Variants in WDR70 observed in about 807,000 individuals in gnomAD.
WDR70 encodes the protein WD repeat-containing protein 70.
WDR70 carries 53 observed loss-of-function variants against 88.6 expected under a neutral mutation model. The ratio of observed to expected loss-of-function variants is 0.60; its 90% CI spans 0.48 to 0.75. The LOEUF (loss-of-function observed/expected upper bound fraction) is 0.75. WDR70 is among the 30% of genes least tolerant of loss of function. The probability of loss-of-function intolerance (pLI) is 0.00; values close to 1 mark genes in which losing one functional copy is unlikely to be tolerated. For synonymous variants in WDR70, 280 were observed against 270.0 expected (o/e 1.04, Z -0.36); for missense variants, 610 against 823.2 (o/e 0.74, Z 3.17).
intron 5 of WDR70, among the ~76,000 whole-genome samples, chr5:37,432,099 T>C (rs1185670539): frequency 6.6e-6 from 1 of 152,208 alleles, no homozygotes; most frequent in Non-Finnish European, 1.5e-5. Flanking sequence ...CATACAGTAA[T>C]TATATTTTTA....
intron 10 of WDR70, among the ~76,000 whole-genome samples, chr5:37,646,797 A>G (rs1475136624): frequency 1.3e-5 from 2 of 151,868 alleles, no homozygotes; most frequent in Non-Finnish European, 2.9e-5. Context: ...TCCTCTCTTT[A>G]TCCGTGACCT....
At chr5:37,487,265 G>T (rs1007939926) in intron 8 of WDR70, among the ~76,000 whole-genome samples, 2 of 151,974 alleles carry the variant, frequency 1.3e-5, no homozygotes, top group Non-Finnish European at 2.9e-5. Flanking sequence ...TCTAGGAAAT[G>T]TTACTGATAT....
intron 7 of WDR70, among the ~76,000 whole-genome samples, chr5:37,470,222 A>C (rs1739287411): frequency 6.6e-6 from 1 of 152,162 alleles, no homozygotes; most frequent in South Asian, 2.1e-4. Flanking sequence ...GTTTATTCTG[A>C]GAATTTTCTA....
At chr5:37,533,993 G>A (rs575411997) in intron 9 of WDR70, among the ~76,000 whole-genome samples, 1 of 152,206 alleles carries the variant, frequency 6.6e-6, no homozygotes, top group African/African-American at 2.4e-5. Context: ...GGAGCCTGCA[G>A]TGGTGATCCA....
chr5:37,631,906 G>A (rs539208683), intron 10 of WDR70, among the ~76,000 whole-genome samples: 31 of 152,282 alleles, frequency 2.0e-4, no homozygotes, highest in African/African-American at 6.3e-4. Context: ...CAGCAGAGCC[G>A]GGTGAGTGGG....
intron 9 of WDR70, among the ~76,000 whole-genome samples, chr5:37,531,861 T>G (rs1163640564): frequency 6.6e-6 from 1 of 152,088 alleles, no homozygotes; most frequent in Non-Finnish European, 1.5e-5. Context: ...TCCTGTGAGA[T>G]TTATGCTTTA....
In WDR70 at chr5:37,488,077, CTT is replaced by C. The variant is rs34361001; in HGVS notation, c.840+8107_840+8108del. ...TGCTGAGTGTACTAGTCTTGGGTGG[CTT>C]TTTTTTTTTTTTTTTTCCTTTCAGC... On this transcript the variant is annotated intron_variant, in intron 8 of 17. Coordinates refer to ENST00000265107, the MANE Select transcript of WDR70 (RefSeq NM_018034.4). Among the ~76,000 whole-genome samples the C allele has an allele frequency of 6.3e-5, 8 of 126,298 alleles. No individual in the cohort carries two copies. The South Asian group carries it at 7.6e-4, about 12-fold the overall frequency. 82.9% of individuals were successfully genotyped at this position (126,298 alleles called of 152,430 possible).
intron 9 of WDR70, among the ~76,000 whole-genome samples, chr5:37,576,112 TCCCTCCCTCCCTCCGCCCTCCTTCCC>T (rs1314292591): frequency 2.8e-5 from 3 of 105,432 alleles, no homozygotes; most frequent in Admixed American, 2.1e-4. Flanking sequence ...CCCGCCTCCT[TCCCTCCCTCCCTCCGCCCTCCTTCCC>T]CCCTCCCTCC....
At chr5:37,584,228 G>A (rs1581412888) in intron 9 of WDR70, among the ~76,000 whole-genome samples, 2 of 152,152 alleles carry the variant, frequency 1.3e-5, no homozygotes, top group Admixed American at 6.5e-5. Context: ...AAATGTTAGC[G>A]ATCATGATTA....
At chr5:37,402,329 T>TGTGTGTGTGTGTGTGTGTA (rs59326032) in intron 5 of WDR70, among the ~76,000 whole-genome samples, 2 of 147,586 alleles carry the variant, frequency 1.4e-5, no homozygotes, top group African/African-American at 5.0e-5. Context: ...GTGTGTGTGT[T>TGTGTGTGTGTGTGTGTGTA]TTAAATTTTT....
chr5:37,656,430 C>A (rs113597511), intron 10 of WDR70, among the ~76,000 whole-genome samples: 1 of 151,206 alleles, frequency 6.6e-6, no homozygotes, highest in Non-Finnish European at 1.5e-5. Context: ...GGTCAGGGAC[C>A]CACTTGAGGA....
At chr5:37,509,012 A>G (rs763373173) in intron 8 of WDR70, among the ~76,000 whole-genome samples, 2 of 152,136 alleles carry the variant, frequency 1.3e-5, no homozygotes, top group Non-Finnish European at 2.9e-5. Context: ...TACCAAATTT[A>G]TGTGCATAAG....
rs140363618 is a variant in WDR70 at position 37,626,621 on chromosome 5, G to A, written c.1092+21383G>A. ...TATCTAGTTTTGGTATCAGGGTTCT[G>A]CTGGCCTTGTAGAATGAATTAGGAA... On this transcript the variant is annotated intron_variant, in intron 10 of 17. Transcript: ENST00000265107. Among the ~76,000 whole-genome samples, 4 of 152,210 alleles carry A rather than the reference G, an allele frequency of 2.6e-5. No homozygotes were observed. In the East Asian group the frequency reaches 7.7e-4, roughly 29 times the overall value.
intron 10 of WDR70, among the ~76,000 whole-genome samples, chr5:37,683,853 G>T (rs1746508956): frequency 6.6e-6 from 1 of 152,064 alleles, no homozygotes; most frequent in African/African-American, 2.4e-5. Context: ...TCTTACTGGG[G>T]GTCTCTGCAT....
At chr5:37,694,696 G>C (rs1000019951) in intron 10 of WDR70, among the ~76,000 whole-genome samples, 8 of 151,896 alleles carry the variant, frequency 5.3e-5, no homozygotes, top group East Asian at 1.9e-4. Flanking sequence ...GGGCCTGTTG[G>C]GGGGTGTGGG....
chr5:37,719,844 C>CTT lies in WDR70; in HGVS notation c.1417-1258_1417-1257dup, dbSNP rs55870531. Among the ~76,000 whole-genome samples, 90 of 141,164 alleles carry CTT rather than the reference C, an allele frequency of 6.4e-4. 2 individuals are homozygous for CTT. The South Asian group carries it at 9.5e-3, about 15-fold the overall frequency. 92.6% of individuals were successfully genotyped at this position (141,164 alleles called of 152,430 possible). On this transcript the variant is annotated intron_variant, in intron 13 of 17. Coordinates refer to ENST00000265107, the MANE Select transcript of WDR70 (RefSeq NM_018034.4). ...TGTTTTTTTCTTTCTTTCTTTCTTT[C>CTT]TTTTTTTTTTTTTTAAGAGACAGAG...
At chr5:37,676,731 G>A (rs1372872770) in intron 10 of WDR70, among the ~76,000 whole-genome samples, 1 of 151,594 alleles carries the variant, frequency 6.6e-6, no homozygotes, top group Non-Finnish European at 1.5e-5. Flanking sequence ...TTTGGTATCA[G>A]GATGATGCTG....
At chr5:37,615,246 G>A (rs1225859940) in intron 10 of WDR70, among the ~76,000 whole-genome samples, 2 of 151,966 alleles carry the variant, frequency 1.3e-5, no homozygotes, top group Admixed American at 1.3e-4. Context: ...GGAGAGGGAG[G>A]TTGGAATTAG....
At chr5:37,394,767 G>C (rs1026891494) in intron 4 of WDR70, among the ~76,000 whole-genome samples, 1 of 152,188 alleles carries the variant, frequency 6.6e-6, no homozygotes, top group African/African-American at 2.4e-5. Flanking sequence ...CAAAGACCTT[G>C]TTGTGAACCA....
Sources: gnomAD v4.1 joint callset for allele counts (sites outside exome capture counted in the v4.1 genomes callset) on GRCh38, gnomAD v4.1.1 for gene constraint, MANE v1.5 for transcripts, NCBI Gene and HGNC (gene_info 2026-07-23, HGNC 2026-07-21) for gene names.